The following SHANK2 variants were observed in gnomAD, a reference collection of about 807,000 sequenced individuals.
The protein encoded by SHANK2 is SH3 and multiple ankyrin repeat domains 2.
Under a neutral mutation model 133.7 loss-of-function variants are expected in SHANK2, and 43 were observed. That is an observed-to-expected ratio of 0.32 (90% CI 0.25 to 0.41). The LOEUF is 0.41. Ranked by LOEUF, SHANK2 falls within the 10% of genes least tolerant of loss-of-function variation. The pLI is 1.00. For synonymous variants in SHANK2, 1,017 were observed against 952.8 expected, an observed-to-expected ratio of 1.07 and a Z score of -1.24; for missense variants, 1,994 against 2,235.8, an observed-to-expected ratio of 0.89 and a Z score of 2.18.
chr11:70,578,231 C>T (rs895280590), intron 17 of SHANK2, among the ~76,000 whole-genome samples: 2 of 150,922 alleles, frequency 1.3e-5, no homozygotes, highest in African/African-American at 2.4e-5. Context: ...ACTCGAATCC[C>T]GGCAGGATGC....
chr11:71,120,480 G>T (rs148800233), intron 3 of SHANK2, among the ~76,000 whole-genome samples: 1 of 152,074 alleles, frequency 6.6e-6, no homozygotes, highest in Non-Finnish European at 1.5e-5. Context: ...GTTCCTCATC[G>T]CTGGGAAAAT....
chr11:71,249,337 G>C (rs1365799081), intron 1 of SHANK2, among the ~76,000 whole-genome samples: 2 of 152,150 alleles, frequency 1.3e-5, no homozygotes, highest in East Asian at 3.9e-4. Flanking sequence ...CAAGAACTTT[G>C]CTGGAGGTCA....
In SHANK2 at chr11:70,533,692, T is replaced by C. The variant is rs150148614; in HGVS notation, c.2062-30761A>G. Among the ~76,000 whole-genome samples, 552 of 152,246 alleles carry C rather than the reference T, an allele frequency of 3.6e-3. 7 individuals are homozygous for C. The highest frequency in any genetic ancestry group is 0.013 in the African/African-American group (520 of 41,544). On this transcript the variant is annotated intron_variant, in intron 17 of 25. Transcript: ENST00000601538. ...AATTCACACTTTTAAAGTGTGCGACTCCATGGCATTTAGTACATTCACAGT... is the reference window on the plus strand; with the variant it reads ...AATTCACACTTTTAAAGTGTGCGACCCCATGGCATTTAGTACATTCACAGT...
At chr11:70,747,010 C>T (rs1445255644) in intron 14 of SHANK2, among the ~76,000 whole-genome samples, 1 of 140,294 alleles carries the variant, frequency 7.1e-6, no homozygotes, top group Non-Finnish European at 1.6e-5. Context: ...TACCCCTGTA[C>T]TCCCCTCCCT....
intron 17 of SHANK2, among the ~76,000 whole-genome samples, chr11:70,504,485 AGCTGCTCTGCAGTCTCT>A (rs1328361409): frequency 6.7e-6 from 1 of 150,148 alleles, no homozygotes; most frequent in Non-Finnish European, 1.5e-5. Context: ...TCCCCGTGCC[AGCTGCTCTGCAGTCTCT>A]GCTGTGGGAC....
intron 17 of SHANK2, among the ~76,000 whole-genome samples, chr11:70,595,287 G>GT (rs1398356588): frequency 1.8e-4 from 28 of 152,232 alleles, no homozygotes; most frequent in African/African-American, 6.8e-4. Flanking sequence ...GGAAGCCCCG[G>GT]TGCCAGTGCC....
intron 9 of SHANK2, among the ~76,000 whole-genome samples, chr11:71,073,303 C>T (rs1337406241): frequency 1.3e-5 from 2 of 151,456 alleles, no homozygotes; most frequent in South Asian, 2.1e-4. Context: ...GGATTACAGG[C>T]ACATGCCATC....
intron 15 of SHANK2, among the ~76,000 whole-genome samples, chr11:70,663,047 G>A (rs1555013930): frequency 1.3e-5 from 2 of 152,162 alleles, no homozygotes; most frequent in Non-Finnish European, 2.9e-5. Flanking sequence ...AGGGTCTTGC[G>A]GGGCTGTGTG....
At chr11:70,719,714 G>A (rs1402858406) in intron 14 of SHANK2, among the ~76,000 whole-genome samples, 1 of 151,678 alleles carries the variant, frequency 6.6e-6, no homozygotes. Flanking sequence ...GGAGACAGGA[G>A]GTAAAAATAG....
chr11:70,738,141 A>G (rs1555033989), intron 14 of SHANK2, among the ~76,000 whole-genome samples: 1 of 152,274 alleles, frequency 6.6e-6, no homozygotes, highest in Non-Finnish European at 1.5e-5. Flanking sequence ...CAAAGCAACC[A>G]TGCATCGCAC....
chr11:70,909,431 T>C (rs985689713), intron 10 of SHANK2, among the ~76,000 whole-genome samples: 3 of 152,034 alleles, frequency 2.0e-5, no homozygotes, highest in African/African-American at 7.2e-5. Flanking sequence ...ATGAGGAGAG[T>C]GATCAAGCTG....
chr11:71,157,592 T>A (rs565111583), intron 2 of SHANK2, among the ~76,000 whole-genome samples: 1 of 152,312 alleles, frequency 6.6e-6, no homozygotes, highest in East Asian at 1.9e-4. Flanking sequence ...GAGAAGAGTC[T>A]GTCTGGCTTT....
At chr11:71,205,990 G>GC (rs1373404028) in intron 2 of SHANK2, among the ~76,000 whole-genome samples, 1 of 152,148 alleles carries the variant, frequency 6.6e-6, no homozygotes, top group Non-Finnish European at 1.5e-5. Flanking sequence ...GCTCTCATCG[G>GC]CCCCATCCCC....
chr11:71,180,084 T>C (rs1953526543), intron 2 of SHANK2, among the ~76,000 whole-genome samples: 1 of 152,210 alleles, frequency 6.6e-6, no homozygotes, highest in Non-Finnish European at 1.5e-5. Flanking sequence ...TGCCTGCCAC[T>C]TGGGAATGAC....
intron 2 of SHANK2, among the ~76,000 whole-genome samples, chr11:71,159,979 A>C (rs1175184934): frequency 3.3e-5 from 5 of 151,636 alleles, no homozygotes; most frequent in African/African-American, 9.7e-5. Context: ...AGGAAAAAAA[A>C]AAAAAAAAAA....
intron 17 of SHANK2, among the ~76,000 whole-genome samples, chr11:70,539,995 T>G (rs1204181398): frequency 2.0e-5 from 3 of 152,188 alleles, no homozygotes; most frequent in Admixed American, 6.5e-5. Flanking sequence ...CATCTTCGCC[T>G]GGCCTTCCCA....
intron 15 of SHANK2, chr11:70,667,975 A>G (rs1944712286): frequency 6.6e-6 from 1 of 152,226 alleles, no homozygotes; most frequent in African/African-American, 2.4e-5. Flanking sequence ...AACTGGGGCC[A>G]GTGTCAAGCC....
chr11:71,066,596 C>T (rs1309436369), intron 9 of SHANK2, among the ~76,000 whole-genome samples: 1 of 152,186 alleles, frequency 6.6e-6, no homozygotes, highest in Non-Finnish European at 1.5e-5. Flanking sequence ...AAGCCATTTC[C>T]TTTCAACGGC....
intron 15 of SHANK2, among the ~76,000 whole-genome samples, chr11:70,678,247 A>T (rs1555017656): frequency 6.6e-6 from 1 of 151,940 alleles, no homozygotes; most frequent in Non-Finnish European, 1.5e-5. Context: ...CCTGGGCTCA[A>T]GCAATTCTTC....
Sources: allele counts gnomAD v4.1 joint callset (sites outside exome capture counted in the v4.1 genomes callset), GRCh38; gene constraint gnomAD v4.1.1; transcripts MANE v1.5; gene names NCBI Gene and HGNC (gene_info 2026-07-23, HGNC 2026-07-21).